The following PDE1C variants were observed in gnomAD, a reference collection of about 807,000 sequenced individuals.
PDE1C encodes the protein dual specificity calcium/calmodulin-dependent 3',5'-cyclic nucleotide phosphodiesterase 1C.
A neutral mutation model predicts 93.1 loss-of-function variants in PDE1C; 62 were observed. That is an observed-to-expected ratio of 0.67 (90% CI 0.54 to 0.82). PDE1C has a LOEUF of 0.82. Ranked by LOEUF, PDE1C falls within the 40% of genes least tolerant of loss-of-function variation. The probability of loss-of-function intolerance (pLI) is 0.00; values close to 1 mark genes in which losing one functional copy is unlikely to be tolerated. For synonymous variants in PDE1C, 325 were observed against 310.1 expected (o/e 1.05, Z -0.50); for missense variants, 742 against 884.6 (o/e 0.84, Z 2.04).
intron 2 of PDE1C, among the ~76,000 whole-genome samples, chr7:32,173,620 T>C (rs1802791298): frequency 6.6e-6 from 1 of 152,032 alleles, no homozygotes; most frequent in South Asian, 2.1e-4. Context: ...CAAAGCCTCC[T>C]TATGGGGCAT....
chr7:31,932,167 C>T (rs751037798), intron 2 of PDE1C, among the ~76,000 whole-genome samples: 2 of 152,182 alleles, frequency 1.3e-5, no homozygotes, highest in Non-Finnish European at 2.9e-5. Context: ...GCAAAGACTT[C>T]ATGACTAAAA....
At chr7:31,965,781 A>G (rs916178749) in intron 2 of PDE1C, among the ~76,000 whole-genome samples, 8 of 152,258 alleles carry the variant, frequency 5.3e-5, no homozygotes, top group African/African-American at 1.9e-4. Flanking sequence ...TCTACAAGCC[A>G]GAAGAGAGTG....
chr7:32,280,921 G>A (rs919547989), intron 1 of PDE1C, among the ~76,000 whole-genome samples: 1 of 152,104 alleles, frequency 6.6e-6, no homozygotes, highest in Non-Finnish European at 1.5e-5. Context: ...GAAGTTTGAG[G>A]CTACCGTGAG....
chr7:31,923,332 T>C (rs1448865403), intron 2 of PDE1C, among the ~76,000 whole-genome samples: 1 of 152,014 alleles, frequency 6.6e-6, no homozygotes, highest in Non-Finnish European at 1.5e-5. Context: ...GGTGCCCAGG[T>C]CCCAGCCAGA....
intron 16 of PDE1C, chr7:31,808,348 G>A (rs1192720619): frequency 3.7e-6 from 1 of 270,442 alleles, no homozygotes. Context: ...ATGAACCTGT[G>A]TGATAGCTGA....
At chr7:31,853,454 A>T (rs1276966192) in intron 7 of PDE1C, among the ~76,000 whole-genome samples, 1 of 152,196 alleles carries the variant, frequency 6.6e-6, no homozygotes, top group Non-Finnish European at 1.5e-5. Context: ...TAAATGAGCA[A>T]GTCCCAGCAG....
chr7:31,793,597 A>G (rs145699552), intron 16 of PDE1C, among the ~76,000 whole-genome samples: 20 of 152,104 alleles, frequency 1.3e-4, no homozygotes, highest in Non-Finnish European at 1.9e-4. Flanking sequence ...AAAAAAACGA[A>G]TGAAGAATAA....
chr7:31,879,499 G>T (rs1025757369), intron 3 of PDE1C, among the ~76,000 whole-genome samples: 4 of 152,120 alleles, frequency 2.6e-5, no homozygotes, highest in Admixed American at 1.3e-4. Context: ...GCCTTCACAG[G>T]GAGCCTTGTA....
chr7:32,034,098 T>C (rs919261368), intron 2 of PDE1C, among the ~76,000 whole-genome samples: 1 of 141,210 alleles, frequency 7.1e-6, no homozygotes, highest in Non-Finnish European at 1.5e-5. Context: ...GCACGCATAA[T>C]GTAAAGTGTA....
At chr7:31,966,287 A>C (rs946373891) in intron 2 of PDE1C, among the ~76,000 whole-genome samples, 1 of 152,194 alleles carries the variant, frequency 6.6e-6, no homozygotes, top group African/African-American at 2.4e-5. Flanking sequence ...ATGGAAAACA[A>C]AAAAAGGCAA....
At chr7:31,620,504 T>C in the PDE1C span, among the ~76,000 whole-genome samples, 2 of 151,274 alleles carry the variant, frequency 1.3e-5, no homozygotes, top group Non-Finnish European at 2.9e-5. Flanking sequence ...AAACAGGGTC[T>C]GGAGTGGACC....
At chr7:32,194,604 A>G (rs927078456) in intron 2 of PDE1C, among the ~76,000 whole-genome samples, 7 of 152,308 alleles carry the variant, frequency 4.6e-5, no homozygotes, top group South Asian at 4.1e-4. Context: ...TGATGTTAAT[A>G]TAGCCACTAC....
intron 9 of PDE1C, among the ~76,000 whole-genome samples, chr7:31,846,268 G>A (rs1310050305): frequency 8.2e-6 from 1 of 121,926 alleles, no homozygotes; most frequent in Non-Finnish European, 1.6e-5. Flanking sequence ...GTCTCGCTCT[G>A]TCACCCAGGC....
intron 16 of PDE1C, among the ~76,000 whole-genome samples, chr7:31,779,834 TA>T (rs1235355247): frequency 6.6e-6 from 1 of 152,006 alleles, no homozygotes; most frequent in Non-Finnish European, 1.5e-5. Flanking sequence ...CTCATGGGAG[TA>T]ATACCCAACA....
chr7:32,065,054 G>A (rs30592), intron 1 of PDE1C, among the ~76,000 whole-genome samples: 1 of 25,636 alleles, frequency 3.9e-5, no homozygotes, highest in Admixed American at 3.0e-4. Flanking sequence ...ACGGCGGTGG[G>A]GGGGGGGGGG....
chr7:32,266,377 T>C (rs541437468), intron 1 of PDE1C, among the ~76,000 whole-genome samples: 3 of 152,090 alleles, frequency 2.0e-5, no homozygotes, highest in African/African-American at 7.2e-5. Context: ...ATCCCTGTCC[T>C]GTAGTCCCAG....
At chr7:31,794,083 GACAGAC>G in intron 16 of PDE1C, among the ~76,000 whole-genome samples, 1 of 148,860 alleles carries the variant, frequency 6.7e-6, no homozygotes, top group South Asian at 2.1e-4. Context: ...CAGACAGACA[GACAGAC>G]AGATAGATAG....
intron 1 of PDE1C, among the ~76,000 whole-genome samples, chr7:32,237,742 G>GTGTATATA (rs1554293052): frequency 1.6e-4 from 5 of 31,240 alleles, no homozygotes; most frequent in Non-Finnish European, 2.4e-4. Flanking sequence ...TTGGCTCTGT[G>GTGTATATA]TATATATATA....
chr7:32,241,832 G>C (rs1232256552), intron 1 of PDE1C, among the ~76,000 whole-genome samples: 5 of 152,148 alleles, frequency 3.3e-5, no homozygotes, highest in Non-Finnish European at 7.3e-5. Context: ...TGTATCCACA[G>C]AGAGGAGATG....
Sources: gnomAD v4.1 joint callset for allele counts (sites outside exome capture counted in the v4.1 genomes callset) on GRCh38, gnomAD v4.1.1 for gene constraint, MANE v1.5 for transcripts, NCBI Gene and HGNC (gene_info 2026-07-23, HGNC 2026-07-21) for gene names.